Variants in TUSC3 observed in about 807,000 individuals in gnomAD.
The protein encoded by TUSC3 is tumor suppressor candidate 3.
TUSC3 carries 45 observed loss-of-function variants against 44.8 expected under a neutral mutation model. The observed-to-expected ratio is 1.00, with a 90% CI of 0.79 to 1.29. The LOEUF (loss-of-function observed/expected upper bound fraction) is 1.29. Ranked by LOEUF, TUSC3 falls within the 50% of genes most tolerant of loss-of-function variation. The pLI is 0.00. For missense variants in TUSC3, 519 were observed against 437.9 expected, an observed-to-expected ratio of 1.19 and a Z score of -1.65; for synonymous variants, 212 against 152.9, an observed-to-expected ratio of 1.39 and a Z score of -2.85.
chr8:15,637,693 C>T (rs1284186408), intron 2 of TUSC3, among the ~76,000 whole-genome samples: 1 of 151,886 alleles, frequency 6.6e-6, no homozygotes, highest in Non-Finnish European at 1.5e-5. Context: ...GACCAGAAAC[C>T]ATAGTTTATA....
chr8:15,559,327 T>G (rs1337923451), intron 1 of TUSC3, among the ~76,000 whole-genome samples: 2 of 145,464 alleles, frequency 1.4e-5, no homozygotes, highest in African/African-American at 2.5e-5. Context: ...GTGAGATTCT[T>G]AACCCTGAGT....
intron 2 of TUSC3, among the ~76,000 whole-genome samples, chr8:15,501,140 C>G (rs74524886): frequency 6.6e-6 from 1 of 152,078 alleles, no homozygotes; most frequent in African/African-American, 2.4e-5. Flanking sequence ...GGTATTTCTA[C>G]ACTCCTTCAT....
In TUSC3 at chr8:15,573,323, T is replaced by A. The variant is rs117709761; in HGVS notation, c.138+32755T>A. On this transcript the variant is annotated intron_variant, in intron 1 of 10. Transcript: ENST00000503731. The stretch of plus-strand genomic sequence containing the variant: ...AAAGGGAGTCAGAGCTGCCTTCCAA[T>A]CCACATCCAGGGTAATTACCAGTTT... Among the ~76,000 whole-genome samples the A allele has an allele frequency of 6.7e-4, 101 of 150,408 alleles. No homozygotes were observed. The East Asian group carries it at 0.018, about 28-fold the overall frequency.
intron 1 of TUSC3, among the ~76,000 whole-genome samples, chr8:15,439,731 G>A (rs1020143796): frequency 1.3e-5 from 2 of 152,136 alleles, no homozygotes; most frequent in Non-Finnish European, 1.5e-5. Context: ...GACATACTGT[G>A]TTATCTCTTT....
chr8:15,851,710 ATTGACTCT>A, the TUSC3 span, among the ~76,000 whole-genome samples: 2 of 152,178 alleles, frequency 1.3e-5, no homozygotes, highest in South Asian at 4.1e-4. Context: ...GACATGTTGT[ATTGACTCT>A]TCTTCATTTT....
At chr8:15,746,155 T>G (rs1281145433) in intron 8 of TUSC3, among the ~76,000 whole-genome samples, 1 of 152,104 alleles carries the variant, frequency 6.6e-6, no homozygotes, top group Non-Finnish European at 1.5e-5. Context: ...GTTTATTGTA[T>G]ATCCTGTCTT....
intron 7 of TUSC3, among the ~76,000 whole-genome samples, chr8:15,742,882 A>G (rs964077459): frequency 6.6e-6 from 1 of 152,248 alleles, no homozygotes; most frequent in Admixed American, 6.5e-5. Flanking sequence ...TAATTCTGGC[A>G]TTATTCAACA....
chr8:15,556,744 C>T (rs1208468117), intron 1 of TUSC3, among the ~76,000 whole-genome samples: 1 of 141,878 alleles, frequency 7.0e-6, no homozygotes, highest in Non-Finnish European at 1.5e-5. Flanking sequence ...TTGCATTTCT[C>T]TGATGGCCAG....
At chr8:15,695,349 C>A (rs1003031077) in intron 6 of TUSC3, among the ~76,000 whole-genome samples, 2 of 152,192 alleles carry the variant, frequency 1.3e-5, no homozygotes, top group African/African-American at 4.8e-5. Context: ...AGTTCCCCTG[C>A]ATTAACTCTC....
intron 9 of TUSC3, among the ~76,000 whole-genome samples, chr8:15,751,142 G>T (rs1442347112): frequency 6.6e-6 from 1 of 152,048 alleles, no homozygotes; most frequent in Non-Finnish European, 1.5e-5. Flanking sequence ...ATAGAGTTTG[G>T]GTTGCTCTGT....
intron 3 of TUSC3, among the ~76,000 whole-genome samples, chr8:15,656,835 G>A (rs923013088): frequency 2.0e-5 from 3 of 152,226 alleles, no homozygotes; most frequent in Non-Finnish European, 4.4e-5. Context: ...GGTGAAGGAA[G>A]ACATACCTCC....
the TUSC3 span, among the ~76,000 whole-genome samples, chr8:15,799,431 C>T: frequency 1.3e-5 from 2 of 152,160 alleles, no homozygotes; most frequent in Non-Finnish European, 2.9e-5. Flanking sequence ...TAATTCAGTG[C>T]ACCGGATTGA....
downstream of TUSC3, among the ~76,000 whole-genome samples, chr8:15,771,454 A>C (rs963162487): frequency 6.6e-6 from 1 of 152,132 alleles, no homozygotes. Context: ...AAAGAAATGA[A>C]AAACATTATT....
chr8:15,734,142 T>G (rs946959738), intron 7 of TUSC3, among the ~76,000 whole-genome samples: 1 of 152,250 alleles, frequency 6.6e-6, no homozygotes, highest in Admixed American at 6.5e-5. Context: ...AATTTGTGTA[T>G]TTTGTTTTCT....
chr8:15,436,781 TG>T (rs1280562768), intron 1 of TUSC3, among the ~76,000 whole-genome samples: 1 of 152,198 alleles, frequency 6.6e-6, no homozygotes, highest in Non-Finnish European at 1.5e-5. Context: ...CATTCACAGC[TG>T]TAAGACTGTC....
chr8:15,567,030 A>C (rs542376787), intron 1 of TUSC3, among the ~76,000 whole-genome samples: 1 of 152,132 alleles, frequency 6.6e-6, no homozygotes, highest in African/African-American at 2.4e-5. Flanking sequence ...GATAATGGCA[A>C]ATTGGGAATG....
At chr8:15,535,521 GACAA>G (rs1242779316), upstream of TUSC3, among the ~76,000 whole-genome samples, 1 of 152,140 alleles carries the variant, frequency 6.6e-6, no homozygotes, top group Admixed American at 6.6e-5. Flanking sequence ...AATGGGAAAA[GACAA>G]ACAATTATAG....
chr8:15,725,670 T>C (rs1585270994), intron 6 of TUSC3, among the ~76,000 whole-genome samples: 1 of 152,172 alleles, frequency 6.6e-6, no homozygotes, highest in East Asian at 1.9e-4. Flanking sequence ...TTTCAGGCAT[T>C]AGGCCATTTT....
At chr8:15,707,632 C>G (rs1156710674) in intron 6 of TUSC3, among the ~76,000 whole-genome samples, 1 of 151,858 alleles carries the variant, frequency 6.6e-6, no homozygotes, top group Non-Finnish European at 1.5e-5. Context: ...AAAGATGGAA[C>G]AGCAGCTTAT....
Sources: allele counts gnomAD v4.1 joint callset (sites outside exome capture counted in the v4.1 genomes callset), GRCh38; gene constraint gnomAD v4.1.1; transcripts MANE v1.5; gene names NCBI Gene and HGNC (gene_info 2026-07-23, HGNC 2026-07-21).